AKR1C8: variants seen among roughly 807,000 people sequenced by gnomAD.
AKR1C8 encodes aldo-keto reductase family 1 member C8, also known as aldo-keto reductase family 1 member C-like protein 1.
the AKR1C8 span, among the ~76,000 whole-genome samples, chr10:5,134,747 G>A: frequency 1.3e-5 from 2 of 152,090 alleles, no homozygotes; most frequent in African/African-American, 2.4e-5. Flanking sequence ...GATTTTGTTC[G>A]ATCATGTATA....
chr10:5,177,004 C>A, the AKR1C8 span, among the ~76,000 whole-genome samples: 2 of 151,968 alleles, frequency 1.3e-5, no homozygotes, highest in Non-Finnish European at 2.9e-5. Flanking sequence ...GCCAGAACTT[C>A]CAACACTATG....
At chr10:5,127,809 A>C in the AKR1C8 span, among the ~76,000 whole-genome samples, 3 of 151,780 alleles carry the variant, frequency 2.0e-5, no homozygotes, top group Admixed American at 6.6e-5. Flanking sequence ...CCTAAGAATA[A>C]CTGGTGTTCC....
chr10:5,177,684 A>T, the AKR1C8 span, among the ~76,000 whole-genome samples: 1 of 152,158 alleles, frequency 6.6e-6, no homozygotes, highest in African/African-American at 2.4e-5. Flanking sequence ...TCAGAGATTC[A>T]ACTTCTTCCT....
the AKR1C8 span, among the ~76,000 whole-genome samples, chr10:5,182,957 C>G: frequency 6.6e-6 from 1 of 151,628 alleles, no homozygotes; most frequent in Non-Finnish European, 1.5e-5. Context: ...ATAATCAGAC[C>G]AAATATGAAA....
chr10:5,147,503 T>C, the AKR1C8 span, among the ~76,000 whole-genome samples: 2 of 151,868 alleles, frequency 1.3e-5, no homozygotes, highest in South Asian at 2.1e-4. Flanking sequence ...CAGTTGTGAG[T>C]AAACATTCCT....
the AKR1C8 span, among the ~76,000 whole-genome samples, chr10:5,127,597 T>C: frequency 8.1e-6 from 1 of 122,802 alleles, no homozygotes; most frequent in Non-Finnish European, 1.7e-5. Context: ...CATGTGCCTG[T>C]AATCCCAGCT....
chr10:5,140,621 G>A, the AKR1C8 span, among the ~76,000 whole-genome samples: 3 of 143,846 alleles, frequency 2.1e-5, no homozygotes, highest in African/African-American at 7.7e-5. Flanking sequence ...CACAGGGCGG[G>A]AAACATCACA....
chr10:5,145,584 A>C, the AKR1C8 span, among the ~76,000 whole-genome samples: 1 of 152,172 alleles, frequency 6.6e-6, no homozygotes, highest in African/African-American at 2.4e-5. Context: ...GCAGCCAAAA[A>C]ACACATGAAA....
At chr10:5,178,486 T>C in the AKR1C8 span, among the ~76,000 whole-genome samples, 290 of 152,276 alleles carry the variant, frequency 1.9e-3, 2 homozygotes, top group Middle Eastern at 6.8e-3. Flanking sequence ...TCTGTAGATG[T>C]CTATTAGGTC....
At chr10:5,180,280 A>G in the AKR1C8 span, among the ~76,000 whole-genome samples, 1 of 152,228 alleles carries the variant, frequency 6.6e-6, no homozygotes, top group African/African-American at 2.4e-5. Context: ...CAGAGATTGC[A>G]GAACAGCGGA....
chr10:5,169,716 G>A, the AKR1C8 span, among the ~76,000 whole-genome samples: 3 of 151,778 alleles, frequency 2.0e-5, no homozygotes, highest in South Asian at 2.1e-4. Context: ...TAGTCCTACC[G>A]CAAATAGTAG....
chr10:5,168,312 C>A, the AKR1C8 span, among the ~76,000 whole-genome samples: 2 of 152,018 alleles, frequency 1.3e-5, no homozygotes, highest in Non-Finnish European at 2.9e-5. Context: ...AATGACCCCC[C>A]AGAAAACCCT....
the AKR1C8 span, chr10:5,132,462 A>G: frequency 2.8e-6 from 2 of 722,600 alleles, no homozygotes; most frequent in African/African-American, 3.7e-5. Flanking sequence ...CTTTTATTTT[A>G]GTTTTAATAC....
At chr10:5,146,125 A>T in the AKR1C8 span, among the ~76,000 whole-genome samples, 1 of 146,600 alleles carries the variant, frequency 6.8e-6, no homozygotes, top group Non-Finnish European at 1.5e-5. Flanking sequence ...GCATATTCTC[A>T]CTCATAGGTG....
the AKR1C8 span, among the ~76,000 whole-genome samples, chr10:5,121,683 G>A: frequency 7.9e-5 from 12 of 152,038 alleles, no homozygotes; most frequent in South Asian, 8.3e-4. Flanking sequence ...TATGTCTTAC[G>A]TTGCCTCGGT....
the AKR1C8 span, among the ~76,000 whole-genome samples, chr10:5,125,810 A>C: frequency 4.6e-5 from 7 of 152,312 alleles, no homozygotes; most frequent in African/African-American, 1.7e-4. Flanking sequence ...GGGAGACATG[A>C]AGACAGGTCA....
the AKR1C8 span, among the ~76,000 whole-genome samples, chr10:5,172,711 T>TA: frequency 3.9e-5 from 6 of 152,164 alleles, no homozygotes; most frequent in African/African-American, 1.4e-4. Flanking sequence ...AATTTTACTG[T>TA]ACTGGTAAGT....
At chr10:5,120,171 CT>C in the AKR1C8 span, among the ~76,000 whole-genome samples, 2 of 152,186 alleles carry the variant, frequency 1.3e-5, no homozygotes, top group Non-Finnish European at 2.9e-5. Flanking sequence ...CATGTTCCTG[CT>C]GCAGATAACT....
At chr10:5,118,582 A>C in the AKR1C8 span, among the ~76,000 whole-genome samples, 1 of 152,174 alleles carries the variant, frequency 6.6e-6, no homozygotes, top group Non-Finnish European at 1.5e-5. Context: ...CTTGGGGAAG[A>C]AAGATTCTAG....
Sources: gnomAD v4.1 joint callset for allele counts (sites outside exome capture counted in the v4.1 genomes callset) on GRCh38, gnomAD v4.1.1 for gene constraint, MANE v1.5 for transcripts, NCBI Gene and HGNC (gene_info 2026-07-23, HGNC 2026-07-21) for gene names.